ACTN1: variants seen among roughly 807,000 people sequenced by gnomAD.
The protein encoded by ACTN1 is actinin alpha 1, also known as alpha-actinin-1.
ACTN1 carries 30 observed loss-of-function variants against 119.6 expected under a neutral mutation model. The ratio of observed to expected loss-of-function variants is 0.25; its 90% CI spans 0.19 to 0.34. The LOEUF is 0.34. Among genes scored for constraint, ACTN1 ranks in the 10% least tolerant of loss-of-function variants. The probability of loss-of-function intolerance (pLI) is 1.00; values close to 1 mark genes in which losing one functional copy is unlikely to be tolerated. For missense variants in ACTN1, 764 were observed against 1,223.4 expected (o/e 0.62, Z 5.60); for synonymous variants, 429 against 472.6 (o/e 0.91, Z 1.20).
chr14:68,968,482 A>G (rs539615621), intron 1 of ACTN1, among the ~76,000 whole-genome samples: 10 of 152,392 alleles, frequency 6.6e-5, no homozygotes, highest in Admixed American at 5.2e-4. Context: ...CCCCATCTAC[A>G]CAAAGTTTTA....
chr14:68,892,434 C>T, intron 9 of ACTN1, 151 bp from the exon 10 acceptor site: 1 of 818,380 alleles, frequency 1.2e-6, no homozygotes, highest in Non-Finnish European at 1.9e-6. Context: ...ATTCCCAGGC[C>T]ATGAAGTCAG....
At chr14:68,960,712 A>G (rs1172787078) in intron 1 of ACTN1, among the ~76,000 whole-genome samples, 9 of 151,380 alleles carry the variant, frequency 5.9e-5, no homozygotes, top group African/African-American at 2.2e-4. Context: ...GGAGTTTGAG[A>G]GCAGTCCTGG....
chr14:68,882,573 C>T lies in ACTN1; in HGVS notation c.1838G>A (p.Arg613Gln), dbSNP rs780306499. 3.4e-5 allele frequency: 55 copies of T among 1,614,042 alleles called. No homozygotes were observed. Among genetic ancestry groups the T allele is most frequent in the East Asian group, 2.2e-4 (10 of 44,890 alleles). ...KWDHVRQLVP[R>Q]RDQALTEEHA... ...CTCCTCCGTCAGAGCTTGGTCCCTC[C>T]GAGGCACCAGCTGCCGCACCTGGGG... The change falls in exon 16 of 22, where the codon CGG (arginine) becomes CAG (glutamine). Residue 613 changes from arginine to glutamine, a missense_variant. Physicochemically the swap from Arg to Gln is conservative, Grantham distance 43. Around this residue, in one of 4 missense-constraint regions of ACTN1, gnomAD observed 544 missense variants for 912.0 expected, o/e 0.60. Transcript: ENST00000394419. This position sits in a 1 kb window ranked among gnomAD's most constrained non-coding sequence, Gnocchi z 4.5.
intron 1 of ACTN1, 155 bp downstream of exon 1, chr14:68,978,797 C>G (rs575404265): frequency 6.3e-6 from 3 of 473,984 alleles, no homozygotes; most frequent in South Asian, 7.0e-5. Context: ...GCCTGTAACC[C>G]AACACCCCAC....
At chr14:68,900,693 C>G (rs2033252251) in intron 8 of ACTN1, among the ~76,000 whole-genome samples, 1 of 152,014 alleles carries the variant, frequency 6.6e-6, no homozygotes, top group Admixed American at 6.5e-5. Flanking sequence ...CTGGGGTTCT[C>G]TGGCATCTTC....
Position 68,882,587 on chromosome 14 carries a change from C to T in ACTN1, c.1824G>A (p.Arg608=). 2.5e-6 allele frequency: 4 copies of T among 1,614,098 alleles called. No individual in the cohort carries two copies. The highest frequency in any genetic ancestry group is 3.4e-6 in the Non-Finnish European group (4 of 1,179,994). Residue 608 remains arginine (R), a synonymous_variant, in exon 16 of 22, where the codon CGG becomes CGA. Coordinates refer to ENST00000394419, the MANE Select transcript of ACTN1 (RefSeq NM_001130004.2). The surrounding 1 kb of genome is among the most constrained non-coding windows in gnomAD (Gnocchi z 4.5). ...QEINGKWDHV[R]QLVPRRDQAL... ...CTTGGTCCCTCCGAGGCACCAGCTGCCGCACCTGGGGCAGGAACAACAAGG... is the reference window on the plus strand; with the variant it reads ...CTTGGTCCCTCCGAGGCACCAGCTGTCGCACCTGGGGCAGGAACAACAAGG...
chr14:68,884,847 G>C lies in ACTN1; in HGVS notation c.1422C>G (p.Ala474=), dbSNP rs981287085. 3.7e-6 allele frequency: 6 copies of C among 1,614,192 alleles called. No homozygotes were observed. In the Admixed American group the frequency reaches 1.0e-4, roughly 27 times the overall value. The change falls in exon 13 of 22, where the codon GCC becomes GCG. Residue 474 remains alanine (A), a synonymous_variant. Transcript: ENST00000394419. ...ACTGGTCACAGATCTTTTGGCAACG[G>C]GCGTTGACACTGGGTGAGTCATAAT... The part of the protein sequence containing the change: ...LDYYDSPSVN[A]RCQKICDQWD...
chr14:68,936,875 G>A (rs1262937799), intron 1 of ACTN1: 1 of 579,046 alleles, frequency 1.7e-6, no homozygotes, highest in Non-Finnish European at 3.4e-6. Flanking sequence ...GATGCTCTCT[G>A]GGAAGCCCTC....
chr14:68,933,197 G>A (rs767598735), intron 1 of ACTN1, among the ~76,000 whole-genome samples: 4 of 152,028 alleles, frequency 2.6e-5, no homozygotes, highest in African/African-American at 7.3e-5. Flanking sequence ...GCAGTGGTGC[G>A]ATCTCGGCTC....
At position 68,875,324 on chromosome 14, in the gene ACTN1, T is replaced by C. The variant is rs142797945; in HGVS notation, c.2587-307A>G. 3.9e-3 allele frequency among the ~76,000 whole-genome samples: 600 copies of C among 152,368 alleles called. 1 individual carries two copies. Among genetic ancestry groups the C allele is most frequent in the Non-Finnish European group, 6.1e-3 (416 of 68,042 alleles). On this transcript the variant is annotated intron_variant, in intron 21 of 21. Transcript: ENST00000394419. ...TCTGAATCACACTAGTCTGCAATAA[T>C]TGCGTGCTGGAGCAGTATCAGCAGA...
chr14:68,879,240 C>T lies in ACTN1; in HGVS notation c.2281-171G>A, dbSNP rs2031260039. ...GGAAATAAAAGTGCACACGGTTAGACACACCAACGAGGCTCCAGGGGGTGC... is the reference window on the plus strand; with the variant it reads ...GGAAATAAAAGTGCACACGGTTAGATACACCAACGAGGCTCCAGGGGGTGC... On this transcript the variant is annotated intron_variant, in intron 18 of 21. Coordinates refer to ENST00000394419, the MANE Select transcript of ACTN1 (RefSeq NM_001130004.2). This position sits in a 1 kb window ranked among gnomAD's most constrained non-coding sequence, Gnocchi z 4.9. 6.6e-6 allele frequency among the ~76,000 whole-genome samples: 1 copy of T among 151,720 alleles called. No individual in the cohort carries two copies. The highest frequency in any genetic ancestry group is 2.1e-4 in the South Asian group (1 of 4,816).
At chr14:68,915,461 TTC>T (rs1189994430) in intron 3 of ACTN1, among the ~76,000 whole-genome samples, 3 of 152,346 alleles carry the variant, frequency 2.0e-5, no homozygotes, top group Middle Eastern at 3.4e-3. Flanking sequence ...CATGTGTATT[TTC>T]TCTCTTTCCC....
intron 16 of ACTN1, among the ~76,000 whole-genome samples, chr14:68,881,509 C>T (rs2031509131): frequency 6.6e-6 from 1 of 152,186 alleles, no homozygotes. Flanking sequence ...TGTTATTCAT[C>T]CATGTAAACA....
Position 68,878,500 on chromosome 14 carries a change from C to T in ACTN1, c.2385G>A (p.Thr795=), listed in dbSNP as rs1390048906. 5 of 1,590,324 alleles carry T rather than the reference C, an allele frequency of 3.1e-6. No individual in the cohort carries two copies. The highest frequency in any genetic ancestry group is 1.7e-4 in the Middle Eastern group (1 of 5,956). The part of the protein sequence containing the change: ...DPQKKTGMMD[T]DDFRACLISM... Reference sequence around the variant, plus strand: ...AGATCAGGCAGGCGCGGAAATCATCCGTGTCCATCATGCCTGTCTTCTTCT... The same window carrying T: ...AGATCAGGCAGGCGCGGAAATCATCTGTGTCCATCATGCCTGTCTTCTTCT... The change falls in exon 20 of 22, where the codon ACG becomes ACA. Residue 795 remains threonine, a synonymous_variant. Coordinates refer to ENST00000394419, the MANE Select transcript of ACTN1 (RefSeq NM_001130004.2). The surrounding 1 kb of genome is among the most constrained non-coding windows in gnomAD (Gnocchi z 4.4).
chr14:68,924,532 G>A (rs1021088293), intron 2 of ACTN1, among the ~76,000 whole-genome samples: 1 of 152,232 alleles, frequency 6.6e-6, no homozygotes, highest in African/African-American at 2.4e-5. Flanking sequence ...GCTAAGGAAT[G>A]TGGCCTGCAG....
At chr14:68,965,691 A>G (rs1017893901) in intron 1 of ACTN1, among the ~76,000 whole-genome samples, 1 of 152,172 alleles carries the variant, frequency 6.6e-6, no homozygotes, top group Non-Finnish European at 1.5e-5. Context: ...CTAAGCAGGT[A>G]TTTCCAGAGC....
At chr14:68,939,784 A>G (rs1347051424) in intron 1 of ACTN1, among the ~76,000 whole-genome samples, 1 of 152,258 alleles carries the variant, frequency 6.6e-6, no homozygotes, top group Non-Finnish European at 1.5e-5. Flanking sequence ...TGGGTATGTG[A>G]ATGACATCTC....
At chr14:68,893,774 A>G (rs757163684) in intron 8 of ACTN1, 27 bp from the exon 9 acceptor site, 1 of 1,610,882 alleles carries the variant, frequency 6.2e-7, no homozygotes, top group Non-Finnish European at 8.5e-7. Flanking sequence ...GAGAGTCACG[A>G]CCAGCCAGCC....
At chr14:68,911,747 C>T (rs757465368) in intron 4 of ACTN1, among the ~76,000 whole-genome samples, 1 of 152,166 alleles carries the variant, frequency 6.6e-6, no homozygotes, top group South Asian at 2.1e-4. Flanking sequence ...CAGACCATGG[C>T]GGCCCTTGCA....
Sources: allele counts gnomAD v4.1 joint callset (sites outside exome capture counted in the v4.1 genomes callset), GRCh38; gene constraint gnomAD v4.1.1; regional missense constraint gnomAD v4.1.1; non-coding constraint Gnocchi (gnomAD v3.1); transcripts MANE v1.5; gene names NCBI Gene and HGNC (gene_info 2026-07-23, HGNC 2026-07-21).